COLEC10: variants seen among roughly 807,000 people sequenced by gnomAD.
COLEC10 encodes the protein collectin-10.
In COLEC10, 22 loss-of-function variants were observed where a neutral mutation model predicts 28.4. The ratio of observed to expected loss-of-function variants is 0.78; its 90% CI spans 0.55 to 1.11. The LOEUF is 1.11. Among genes scored for constraint, COLEC10 ranks in the 50% least tolerant of loss-of-function variants. The probability of loss-of-function intolerance (pLI) is 0.00; values close to 1 mark genes in which losing one functional copy is unlikely to be tolerated. For synonymous variants in COLEC10, 125 were observed against 116.1 expected (o/e 1.08, Z -0.49); for missense variants, 361 against 344.1 (o/e 1.05, Z -0.39).
intron 3 of COLEC10, among the ~76,000 whole-genome samples, chr8:119,091,573 A>AAGAAAGAG (rs1554629251): frequency 0.014 from 1,949 of 140,448 alleles, 37 homozygotes; most frequent in East Asian, 0.033. Flanking sequence ...GAAAGAAAGA[A>AAGAAAGAG]AGAGAGAGAG....
At chr8:118,994,265 T>C (rs1340907530), upstream of COLEC10, among the ~76,000 whole-genome samples, 4 of 152,056 alleles carry the variant, frequency 2.6e-5, no homozygotes, top group African/African-American at 9.7e-5. Flanking sequence ...CATGTAACAG[T>C]TTACCTGTGA....
chr8:119,039,342 C>A (rs533462347), intron 2 of COLEC10, among the ~76,000 whole-genome samples: 1 of 152,262 alleles, frequency 6.6e-6, no homozygotes, highest in Admixed American at 6.5e-5. Flanking sequence ...TGCTAGGTGA[C>A]CCATAGCTTA....
upstream of COLEC10, among the ~76,000 whole-genome samples, chr8:119,062,630 T>TC (rs1172326856): frequency 2.0e-5 from 3 of 151,898 alleles, no homozygotes; most frequent in Non-Finnish European, 2.9e-5. Context: ...CAAGCATGTG[T>TC]CACTATGCCT....
intron 2 of COLEC10, among the ~76,000 whole-genome samples, chr8:119,039,059 G>A (rs1002736108): frequency 2.0e-5 from 3 of 152,046 alleles, no homozygotes; most frequent in African/African-American, 7.2e-5. Flanking sequence ...ACAGTCTGTA[G>A]CATGAATCCC....
chr8:118,975,627 G>A, the COLEC10 span, among the ~76,000 whole-genome samples: 147 of 152,110 alleles, frequency 9.7e-4, no homozygotes, highest in African/African-American at 3.2e-3. Flanking sequence ...GTTTTCCAGT[G>A]GCTTGGATTC....
intron 2 of COLEC10, among the ~76,000 whole-genome samples, chr8:119,058,067 C>T (rs1437999898): frequency 6.6e-6 from 1 of 151,964 alleles, no homozygotes; most frequent in Non-Finnish European, 1.5e-5. Context: ...GACATTATAT[C>T]AGGGCATATA....
chr8:118,955,101 AAAG>A, the COLEC10 span, among the ~76,000 whole-genome samples: 14 of 152,366 alleles, frequency 9.2e-5, no homozygotes, highest in African/African-American at 3.1e-4. Flanking sequence ...TGGTTATTAA[AAAG>A]AAGTTTTATT....
intron 1 of COLEC10, among the ~76,000 whole-genome samples, chr8:118,996,204 T>C (rs1813586316): frequency 6.6e-6 from 1 of 152,238 alleles, no homozygotes; most frequent in Non-Finnish European, 1.5e-5. Context: ...TTACACATGA[T>C]AGTTTCCTTT....
chr8:118,956,947 G>C, the COLEC10 span, among the ~76,000 whole-genome samples: 1 of 152,272 alleles, frequency 6.6e-6, no homozygotes, highest in South Asian at 2.1e-4. Flanking sequence ...TTTAGAAACA[G>C]ATGAGATAGT....
At chr8:118,988,055 C>T in the COLEC10 span, among the ~76,000 whole-genome samples, 1 of 152,044 alleles carries the variant, frequency 6.6e-6, no homozygotes, top group African/African-American at 2.4e-5. Flanking sequence ...CCAGAGAGAT[C>T]GAGCTGAGAT....
At chr8:119,087,071 T>C (rs1327883635) in intron 1 of COLEC10, among the ~76,000 whole-genome samples, 1 of 152,216 alleles carries the variant, frequency 6.6e-6, no homozygotes, top group African/African-American at 2.4e-5. Context: ...GGGGATCAAA[T>C]GATAGATTGT....
intron 1 of COLEC10, among the ~76,000 whole-genome samples, chr8:119,082,423 A>T (rs1429744906): frequency 6.6e-6 from 1 of 152,196 alleles, no homozygotes; most frequent in Non-Finnish European, 1.5e-5. Context: ...TTATTTTGAA[A>T]ACAATTATTG....
At chr8:119,092,853 C>T (rs935663411) in intron 3 of COLEC10, among the ~76,000 whole-genome samples, 5 of 152,078 alleles carry the variant, frequency 3.3e-5, no homozygotes, top group South Asian at 2.1e-4. Context: ...TTGCATTGAG[C>T]CAAGATCATG....
At chr8:119,102,062 A>G (rs1458771519) in intron 3 of COLEC10, among the ~76,000 whole-genome samples, 1 of 152,192 alleles carries the variant, frequency 6.6e-6, no homozygotes, top group African/African-American at 2.4e-5. Flanking sequence ...TTCAATCTAA[A>G]TAAATTATGA....
intron 2 of COLEC10, among the ~76,000 whole-genome samples, chr8:119,023,637 GT>G (rs1458735635): frequency 6.6e-6 from 1 of 152,066 alleles, no homozygotes; most frequent in Non-Finnish European, 1.5e-5. Context: ...TTTTAGTTAT[GT>G]TGAAAGAGTG....
At chr8:119,091,093 A>T in intron 2 of COLEC10, 56 bp from the exon 3 acceptor site, 1 of 1,387,796 alleles carries the variant, frequency 7.2e-7, no homozygotes, top group Non-Finnish European at 1.0e-6. Context: ...CACATTAGCC[A>T]CATTTCAAGG....
intron 2 of COLEC10, among the ~76,000 whole-genome samples, chr8:119,020,465 T>A (rs1263343104): frequency 6.6e-6 from 1 of 152,146 alleles, no homozygotes; most frequent in African/African-American, 2.4e-5. Flanking sequence ...GTAACTGTGG[T>A]TGCCTAGTAG....
At position 119,091,151 on chromosome 8, in the gene COLEC10, A is replaced by C; in HGVS notation, c.223A>C (p.Ile75Leu). ...GKVGRMGPKGIKGELGDMGDQ... is the reference protein window; with the variant it reads ...GKVGRMGPKGLKGELGDMGDQ... The stretch of plus-strand genomic sequence containing the variant: ...AAGATAACATGTTTGCTTTTCAGGA[A>C]TTAAAGGAGAACTGGGTGATATGGG... Residue 75 changes from isoleucine to leucine, a missense_variant and splice_region_variant, in exon 3 of 6, where the codon ATT (isoleucine) becomes CTT (leucine). Ile to Leu is a conservative substitution (Grantham distance 5). Transcript: ENST00000332843. The C allele has an allele frequency of 6.2e-7, 1 of 1,612,456 alleles. No homozygotes were observed. Among genetic ancestry groups the C allele is most frequent in the Non-Finnish European group, 8.5e-7 (1 of 1,178,812 alleles).
chr8:119,001,549 T>C (rs767353835), intron 1 of COLEC10, among the ~76,000 whole-genome samples: 2 of 152,158 alleles, frequency 1.3e-5, no homozygotes, highest in Non-Finnish European at 2.9e-5. Context: ...ATGTGGCAAC[T>C]ATAATAGGCT....
Sources: allele counts gnomAD v4.1 joint callset (sites outside exome capture counted in the v4.1 genomes callset), GRCh38; gene constraint gnomAD v4.1.1; transcripts MANE v1.5; gene names NCBI Gene and HGNC (gene_info 2026-07-23, HGNC 2026-07-21).